The following VEPH1 variants were observed in gnomAD, a reference collection of about 807,000 sequenced individuals.
The protein encoded by VEPH1 is ventricular zone-expressed PH domain-containing protein homolog 1.
In VEPH1, 80 loss-of-function variants were observed where a neutral mutation model predicts 85.2. That is an observed-to-expected ratio of 0.94 (90% CI 0.78 to 1.13). The LOEUF (loss-of-function observed/expected upper bound fraction) is 1.13. VEPH1 is among the 50% of genes most tolerant of loss of function. The pLI, the probability that VEPH1 is intolerant of heterozygous loss-of-function variation, is 0.00. For missense variants in VEPH1, 955 were observed against 980.5 expected (o/e 0.97, Z 0.35); for synonymous variants, 297 against 348.0 (o/e 0.85, Z 1.63).
Position 157,484,839 on chromosome 3 carries a change from A to G in VEPH1, c.138+10373T>C, listed in dbSNP as rs115315629. On this transcript the variant is annotated intron_variant, in intron 2 of 13. Transcript: ENST00000362010. ...AGAAAGAGAAGAGACTGCCAGTTAAATTGTGAGGGGCATCATGCCTCCAAG... is the reference window on the plus strand; with the variant it reads ...AGAAAGAGAAGAGACTGCCAGTTAAGTTGTGAGGGGCATCATGCCTCCAAG... Among the ~76,000 whole-genome samples, 329 of 152,266 alleles carry G rather than the reference A, an allele frequency of 2.2e-3. 2 individuals carry two copies. The highest frequency in any genetic ancestry group is 7.6e-3 in the African/African-American group (314 of 41,548).
intron 9 of VEPH1, among the ~76,000 whole-genome samples, chr3:157,319,900 A>G (rs1256823095): frequency 6.6e-6 from 1 of 152,226 alleles, no homozygotes; most frequent in African/African-American, 2.4e-5. Context: ...TACACTGGCT[A>G]TAAAAATACA....
At chr3:157,290,740 A>T (rs1326818363) in intron 11 of VEPH1, among the ~76,000 whole-genome samples, 1 of 152,268 alleles carries the variant, frequency 6.6e-6, no homozygotes. Flanking sequence ...ATTTAATTCA[A>T]GAAGATTAAA....
At chr3:157,338,625 T>C (rs1723200619) in intron 9 of VEPH1, among the ~76,000 whole-genome samples, 1 of 152,242 alleles carries the variant, frequency 6.6e-6, no homozygotes, top group Non-Finnish European at 1.5e-5. Flanking sequence ...TCTTTTTCAA[T>C]GCTGAGATTC....
chr3:157,371,925 G>A (rs938256478), intron 7 of VEPH1, among the ~76,000 whole-genome samples: 7 of 151,970 alleles, frequency 4.6e-5, no homozygotes, highest in Non-Finnish European at 5.9e-5. Flanking sequence ...GAAGACGGCC[G>A]CCCCATCCTA....
intron 4 of VEPH1, chr3:157,437,447 C>G: frequency 6.5e-7 from 1 of 1,549,238 alleles, no homozygotes; most frequent in Non-Finnish European, 8.7e-7. Flanking sequence ...GGGAGGTCAG[C>G]TTTTACAAAG....
intron 4 of VEPH1, among the ~76,000 whole-genome samples, chr3:157,440,341 G>C (rs929354172): frequency 6.6e-6 from 1 of 152,150 alleles, no homozygotes; most frequent in Non-Finnish European, 1.5e-5. Flanking sequence ...TAACACTAAA[G>C]GATAAGGTTC....
intron 7 of VEPH1, among the ~76,000 whole-genome samples, chr3:157,378,480 C>T (rs1728410697): frequency 6.6e-6 from 1 of 151,264 alleles, no homozygotes; most frequent in African/African-American, 2.4e-5. Flanking sequence ...GGGTAGAGGC[C>T]AGCACATTGC....
intron 7 of VEPH1, among the ~76,000 whole-genome samples, chr3:157,370,395 A>C (rs1465196827): frequency 6.6e-6 from 1 of 152,228 alleles, no homozygotes; most frequent in African/African-American, 2.4e-5. Flanking sequence ...GTACTCCTGC[A>C]GAGTTAAGCT....
In VEPH1 at chr3:157,442,411, T is replaced by C. The variant is rs529759691; in HGVS notation, c.530-13923A>G. 1.3e-4 allele frequency: 205 copies of C among 1,613,908 alleles called. 1 individual carries two copies. The South Asian group carries it at 2.0e-3, about 16-fold the overall frequency. ...TTCCCAATGCGTTCCAAGAAGATTT[T>C]TGGAAGCGTGCATCCAGTGAGACCA... On this transcript the variant is annotated intron_variant, in intron 4 of 13. Transcript: ENST00000362010.
intron 4 of VEPH1, among the ~76,000 whole-genome samples, chr3:157,449,336 A>G (rs1734782991): frequency 6.6e-6 from 1 of 152,122 alleles, no homozygotes; most frequent in Non-Finnish European, 1.5e-5. Context: ...AGAGACTTAG[A>G]TTTGTTTTAT....
At chr3:157,382,804 TAG>T (rs1326568478) in intron 6 of VEPH1, among the ~76,000 whole-genome samples, 4 of 152,164 alleles carry the variant, frequency 2.6e-5, no homozygotes, top group African/African-American at 7.2e-5. Context: ...TACTGCATTA[TAG>T]ACTCTTTAAA....
At chr3:157,465,766 T>A (rs1296077803) in intron 3 of VEPH1, among the ~76,000 whole-genome samples, 1 of 152,218 alleles carries the variant, frequency 6.6e-6, no homozygotes, top group African/African-American at 2.4e-5. Flanking sequence ...CAGGTCCTTC[T>A]ATAAAGAGGG....
chr3:157,447,818 C>T (rs1455278596), intron 4 of VEPH1, among the ~76,000 whole-genome samples: 1 of 152,082 alleles, frequency 6.6e-6, no homozygotes, highest in Non-Finnish European at 1.5e-5. Flanking sequence ...TGGTCTTGAA[C>T]TCCTGACAAC....
chr3:157,346,620 T>G (rs1298574040), intron 9 of VEPH1, among the ~76,000 whole-genome samples: 1 of 150,340 alleles, frequency 6.7e-6, no homozygotes, highest in East Asian at 1.9e-4. Flanking sequence ...CTTTTTTTTT[T>G]CTTTTGAGAC....
At chr3:157,421,238 T>C (rs1329283481) in intron 5 of VEPH1, among the ~76,000 whole-genome samples, 1 of 152,102 alleles carries the variant, frequency 6.6e-6, no homozygotes, top group Non-Finnish European at 1.5e-5. Context: ...GTCAGCTTTA[T>C]GTAGAGAATT....
chr3:157,378,503 T>C (rs1279496533), intron 7 of VEPH1, among the ~76,000 whole-genome samples: 1 of 151,820 alleles, frequency 6.6e-6, no homozygotes, highest in African/African-American at 2.4e-5. Context: ...GTGAATATTC[T>C]ATAATGCATA....
intron 9 of VEPH1, among the ~76,000 whole-genome samples, chr3:157,348,133 C>G (rs895960284): frequency 6.6e-6 from 1 of 152,162 alleles, no homozygotes; most frequent in African/African-American, 2.4e-5. Context: ...GCCAAAGGAA[C>G]AGTGTGGCAA....
chr3:157,373,652 G>A (rs953354388), intron 7 of VEPH1, among the ~76,000 whole-genome samples: 6 of 152,148 alleles, frequency 3.9e-5, no homozygotes, highest in African/African-American at 1.4e-4. Context: ...GAGGGTCAAG[G>A]TCCTCTTACC....
At chr3:157,465,456 G>T (rs894705392) in intron 3 of VEPH1, among the ~76,000 whole-genome samples, 1 of 152,134 alleles carries the variant, frequency 6.6e-6, no homozygotes, top group African/African-American at 2.4e-5. Context: ...AATTTTCACA[G>T]CAAACTCATG....
Sources: gnomAD v4.1 joint callset for allele counts (sites outside exome capture counted in the v4.1 genomes callset) on GRCh38, gnomAD v4.1.1 for gene constraint, MANE v1.5 for transcripts, NCBI Gene and HGNC (gene_info 2026-07-23, HGNC 2026-07-21) for gene names.